Variants in LY86 observed in about 807,000 individuals in gnomAD.
The protein encoded by LY86 is MD-1, RP105-associated.
In LY86, 20 loss-of-function variants were observed where a neutral mutation model predicts 17.3. The ratio of observed to expected loss-of-function variants is 1.15; its 90% confidence interval spans 0.81 to 1.68. The LOEUF is 1.68. Ranked by LOEUF, LY86 falls within the 40% of genes most tolerant of loss-of-function variation. LY86 has a pLI of 0.00. For synonymous variants in LY86, 74 were observed against 70.6 expected, an observed-to-expected ratio of 1.05 and a Z score of -0.24; for missense variants, 200 against 191.9, an observed-to-expected ratio of 1.04 and a Z score of -0.25.
At chr6:6,611,530 G>A (rs760331453) in intron 1 of LY86, among the ~76,000 whole-genome samples, 1 of 152,172 alleles carries the variant, frequency 6.6e-6, no homozygotes, top group Non-Finnish European at 1.5e-5. Context: ...GCAAGTATTT[G>A]GAAATATATA....
chr6:6,606,059 A>T (rs138015344), intron 1 of LY86, among the ~76,000 whole-genome samples: 1 of 152,208 alleles, frequency 6.6e-6, no homozygotes, highest in Non-Finnish European at 1.5e-5. Context: ...TACTGCTGCT[A>T]GCGCGGGCAG....
intron 1 of LY86, among the ~76,000 whole-genome samples, chr6:6,592,527 G>A (rs1442243224): frequency 1.3e-5 from 2 of 152,240 alleles, no homozygotes; most frequent in South Asian, 2.1e-4. Flanking sequence ...AGCAGGGTGA[G>A]GGGAAGCATA....
At chr6:6,605,092 TTGAAA>T (rs1321361752) in intron 1 of LY86, among the ~76,000 whole-genome samples, 2 of 150,876 alleles carry the variant, frequency 1.3e-5, no homozygotes, top group Non-Finnish European at 2.9e-5. Context: ...TAAAGGGTAC[TTGAAA>T]TGACCCCAGA....
intron 4 of LY86, among the ~76,000 whole-genome samples, chr6:6,654,091 C>A (rs202183976): frequency 2.0e-5 from 3 of 150,938 alleles, no homozygotes; most frequent in African/African-American, 4.9e-5. Context: ...TCACCCCCCC[C>A]ATCCCCCCAC....
intron 3 of LY86, among the ~76,000 whole-genome samples, chr6:6,630,995 A>T: frequency 6.6e-6 from 1 of 152,090 alleles, no homozygotes; most frequent in African/African-American, 2.4e-5. Flanking sequence ...TCATTTATCA[A>T]TGATAAGATA....
At chr6:6,620,538 C>A (rs1472691221) in intron 1 of LY86, among the ~76,000 whole-genome samples, 1 of 152,184 alleles carries the variant, frequency 6.6e-6, no homozygotes, top group Non-Finnish European at 1.5e-5. Flanking sequence ...AAGGATTGGT[C>A]CAGTGGAGTG....
chr6:6,637,000 A>AT (rs1455147922), intron 3 of LY86, among the ~76,000 whole-genome samples: 4 of 123,132 alleles, frequency 3.2e-5, no homozygotes, highest in African/African-American at 1.2e-4. Context: ...AAGGAAGCAT[A>AT]TTGGTTTTTT....
At chr6:6,649,582 A>T (rs1762156554) in intron 3 of LY86, 43 bp from the exon 4 acceptor site, 1 of 1,225,806 alleles carries the variant, frequency 8.2e-7, no homozygotes, top group Non-Finnish European at 1.2e-6. Context: ...TCATTTTTTT[A>T]AATGATTGAA....
intron 3 of LY86, among the ~76,000 whole-genome samples, chr6:6,641,551 G>C (rs1241641646): frequency 6.6e-6 from 1 of 152,210 alleles, no homozygotes; most frequent in Admixed American, 6.5e-5. Flanking sequence ...AATTCAAAGA[G>C]ATAATCCAGG....
intron 1 of LY86, among the ~76,000 whole-genome samples, chr6:6,620,412 C>G (rs1401428623): frequency 6.6e-6 from 1 of 152,250 alleles, no homozygotes; most frequent in East Asian, 1.9e-4. Context: ...GGGCCCTCCT[C>G]TATGCCTCAA....
Position 6,654,625 on chromosome 6 carries a change from T to C in LY86, c.487T>C (p.Ter163ArgextTer62), listed in dbSNP as rs1042046047. ...ACANATIMCS[*>R] ...TGCCAATGCTACTATCATGTGCTCC[T>C]GACTGTGGCCTGTAGCAAAAATCAC... Residue 163 changes from the stop codon to arginine (R), a stop_lost, in exon 5 of 5, where the codon TGA (stop) becomes CGA (arginine). Transcript: ENST00000230568. The C allele has an allele frequency of 3.7e-6, 6 of 1,613,930 alleles. No individual in the cohort carries two copies. Among genetic ancestry groups the C allele is most frequent in the Non-Finnish European group, 4.2e-6 (5 of 1,179,882 alleles).
At chr6:6,610,494 T>C (rs1032702095) in intron 1 of LY86, among the ~76,000 whole-genome samples, 2 of 152,086 alleles carry the variant, frequency 1.3e-5, no homozygotes, top group African/African-American at 4.8e-5. Flanking sequence ...AGCATGAAGC[T>C]TAAAATAGTG....
chr6:6,605,267 C>G (rs575864305), intron 1 of LY86, among the ~76,000 whole-genome samples: 20 of 121,542 alleles, frequency 1.6e-4, no homozygotes, highest in African/African-American at 5.6e-4. Context: ...TAAGCATTAT[C>G]ACCTCACCTC....
intron 1 of LY86, among the ~76,000 whole-genome samples, chr6:6,606,016 A>T (rs4265064): frequency 6.6e-6 from 1 of 151,922 alleles, no homozygotes; most frequent in East Asian, 1.9e-4. Flanking sequence ...AAAGAACAAA[A>T]CTTCCACAGC....
At chr6:6,604,989 A>T (rs976068700) in intron 1 of LY86, among the ~76,000 whole-genome samples, 2 of 152,092 alleles carry the variant, frequency 1.3e-5, no homozygotes, top group Non-Finnish European at 2.9e-5. Context: ...AATTCTACAT[A>T]CAGTATAGTT....
At chr6:6,612,064 G>C (rs1761362026) in intron 1 of LY86, among the ~76,000 whole-genome samples, 1 of 152,128 alleles carries the variant, frequency 6.6e-6, no homozygotes, top group South Asian at 2.1e-4. Context: ...ATGTTAAAAA[G>C]CCAATGTATT....
chr6:6,646,110 G>T (rs955232259), intron 3 of LY86, among the ~76,000 whole-genome samples: 4 of 152,124 alleles, frequency 2.6e-5, no homozygotes, highest in African/African-American at 9.7e-5. Context: ...AATGCAAGGG[G>T]TGCATCCTCA....
At chr6:6,614,578 A>G (rs1450736191) in intron 1 of LY86, among the ~76,000 whole-genome samples, 1 of 151,792 alleles carries the variant, frequency 6.6e-6, no homozygotes. Context: ...TCTTCTCCAC[A>G]TTGGGAGTTT....
chr6:6,622,972 T>C (rs1005615163), intron 1 of LY86, among the ~76,000 whole-genome samples: 3 of 152,262 alleles, frequency 2.0e-5, no homozygotes, highest in Non-Finnish European at 4.4e-5. Context: ...TCTGACACTT[T>C]CTAGTGTGGG....
Sources: gnomAD v4.1 joint callset for allele counts (sites outside exome capture counted in the v4.1 genomes callset) on GRCh38, gnomAD v4.1.1 for gene constraint, MANE v1.5 for transcripts, NCBI Gene and HGNC (gene_info 2026-07-23, HGNC 2026-07-21) for gene names.